Variants in TOGARAM2 observed in about 807,000 individuals in gnomAD.
TOGARAM2 encodes the protein TOG array regulator of axonemal microtubules protein 2.
A neutral mutation model predicts 93.3 loss-of-function variants in TOGARAM2; 85 were observed. That is an observed-to-expected ratio of 0.91 (90% CI 0.76 to 1.09). The LOEUF (loss-of-function observed/expected upper bound fraction) is 1.09, where lower values mean the gene tolerates loss of function less well. Ranked by LOEUF, TOGARAM2 falls within the 50% of genes least tolerant of loss-of-function variation. The pLI is 0.00. For missense variants in TOGARAM2, 1,277 were observed against 1,334.5 expected (o/e 0.96, Z 0.67); for synonymous variants, 593 against 552.8 (o/e 1.07, Z -1.02).
chr2:29,036,842 G>A (rs1363824508), intron 18 of TOGARAM2, 85 bp downstream of exon 18: 6 of 1,376,010 alleles, frequency 4.4e-6, no homozygotes, highest in Non-Finnish European at 6.0e-6. Flanking sequence ...TAAGGCCTTG[G>A]TTGGTTCCCA....
chr2:29,022,221 A>G lies in TOGARAM2; in HGVS notation c.1424A>G (p.Asp475Gly). 6.2e-7 allele frequency: 1 copy of G among 1,614,002 alleles called. No individual in the cohort carries two copies. Among genetic ancestry groups the G allele is most frequent in the Non-Finnish European group, 8.5e-7 (1 of 1,179,894 alleles). Reference sequence around the variant, plus strand: ...GAATGGGAAGAAGAGGAGGAGATGGATCTTAGAGCCTGTAAGGAGTTGAGG... The same window carrying G: ...GAATGGGAAGAAGAGGAGGAGATGGGTCTTAGAGCCTGTAAGGAGTTGAGG... Reference protein sequence around the residue: ...SPEWEEEEEMDLRACKELRPF... With the variant: ...SPEWEEEEEMGLRACKELRPF... The change falls in exon 11 of 20, where the codon GAT (aspartate) becomes GGT (glycine). Residue 475 changes from aspartate (D) to glycine (G), a missense_variant. Asp to Gly is a moderately conservative substitution (Grantham distance 94). Transcript: ENST00000379558.
intron 10 of TOGARAM2, chr2:29,018,176 C>G: frequency 1.8e-6 from 1 of 563,860 alleles, no homozygotes; most frequent in African/African-American, 1.9e-5. Context: ...GATGTCACAA[C>G]TGGAGTTGTG....
intron 19 of TOGARAM2, chr2:29,047,328 G>A (rs1373927629): frequency 6.6e-6 from 1 of 152,204 alleles, no homozygotes; most frequent in East Asian, 1.9e-4. Context: ...GTCCTTGTCT[G>A]GGTAATTTAC....
At chr2:29,022,949 T>C (rs1665057520) in intron 11 of TOGARAM2, 137 bp from the exon 12 acceptor site, 15 of 690,638 alleles carry the variant, frequency 2.2e-5, no homozygotes, top group African/African-American at 3.6e-5. Flanking sequence ...GAAACCCTGC[T>C]CTGAGGCCAT....
chr2:28,999,568 CTGGG>C, intron 4 of TOGARAM2, 100 bp downstream of exon 4: 4 of 1,329,508 alleles, frequency 3.0e-6, no homozygotes, highest in Non-Finnish European at 4.0e-6. Flanking sequence ...AGGTGGCATG[CTGGG>C]ATGCCCTGGG....
Position 29,003,599 on chromosome 2 carries a change from C to A in TOGARAM2, c.747C>A (p.Thr249=), listed in dbSNP as rs1423880954. ...PIPKARTVAA[T]PSRVPGSLPS... Reference sequence around the variant, plus strand: ...CAAAGGCCAGGACGGTTGCAGCGACCCCCTCCCGTGTGCCTGGCTCCCTTC... The same window carrying A: ...CAAAGGCCAGGACGGTTGCAGCGACACCCTCCCGTGTGCCTGGCTCCCTTC... Residue 249 remains threonine (T), a synonymous_variant, in exon 6 of 20, where the codon ACC becomes ACA. Coordinates refer to ENST00000379558, the MANE Select transcript of TOGARAM2 (RefSeq NM_199280.4). The A allele has an allele frequency of 1.9e-6, 3 of 1,594,510 alleles. No individual in the cohort carries two copies. Among genetic ancestry groups the A allele is most frequent in the Middle Eastern group, 1.7e-4 (1 of 6,022 alleles).
chr2:29,031,344 G>C (rs955057130), intron 14 of TOGARAM2, among the ~76,000 whole-genome samples: 44 of 152,186 alleles, frequency 2.9e-4, no homozygotes, highest in Admixed American at 2.8e-3. Context: ...TTATGATGTA[G>C]TTATACTATC....
In TOGARAM2 at chr2:29,022,173, C is replaced by T. The variant is rs753940304; in HGVS notation, c.1376C>T (p.Ala459Val). 7.4e-6 allele frequency: 12 copies of T among 1,613,874 alleles called. No individual in the cohort carries two copies. Among genetic ancestry groups the T allele is most frequent in the African/African-American group, 2.7e-5 (2 of 74,922 alleles). ...ARHASANSLP[A>V]VLTLGSPEWE... ...GTGAATGCAGCTAACTCATTACCTG[C>T]GGTGCTCACGTTGGGGTCTCCTGAA... The change falls in exon 11 of 20, where the codon GCG (alanine) becomes GTG (valine). Residue 459 changes from alanine to valine, a missense_variant. Transcript: ENST00000379558.
chr2:29,012,408 C>T (rs1401934518), intron 7 of TOGARAM2, among the ~76,000 whole-genome samples: 3 of 152,232 alleles, frequency 2.0e-5, no homozygotes, highest in Non-Finnish European at 1.5e-5. Context: ...TCTGCGGCAG[C>T]TGCTTCTCCC....
At chr2:29,029,542 G>A (rs1416214961) in intron 14 of TOGARAM2, among the ~76,000 whole-genome samples, 1 of 151,984 alleles carries the variant, frequency 6.6e-6, no homozygotes, top group Non-Finnish European at 1.5e-5. Flanking sequence ...AGATCACAAG[G>A]TCAGGAGATC....
intron 1 of TOGARAM2, among the ~76,000 whole-genome samples, chr2:28,990,987 GAA>G (rs1672697397): frequency 8.0e-6 from 1 of 125,664 alleles, no homozygotes; most frequent in African/African-American, 3.0e-5. Flanking sequence ...GTGTGTGTGT[GAA>G]GGGTGTGTGT....
At chr2:29,025,439 C>A (rs1339628936) in intron 13 of TOGARAM2, among the ~76,000 whole-genome samples, 1 of 151,928 alleles carries the variant, frequency 6.6e-6, no homozygotes, top group East Asian at 1.9e-4. Flanking sequence ...TCCTCACCTG[C>A]AGAATAGTGA....
At chr2:28,979,433 T>C (rs1050821183), upstream of TOGARAM2, among the ~76,000 whole-genome samples, 1 of 152,186 alleles carries the variant, frequency 6.6e-6, no homozygotes. Context: ...TTGCCTAAGA[T>C]GTCATTGCTG....
chr2:28,990,046 G>A (rs1181995561), intron 1 of TOGARAM2, among the ~76,000 whole-genome samples: 1 of 152,166 alleles, frequency 6.6e-6, no homozygotes, highest in Non-Finnish European at 1.5e-5. Context: ...GCAGGTCTAC[G>A]GCCTGGGCTG....
intron 7 of TOGARAM2, among the ~76,000 whole-genome samples, chr2:29,013,994 G>A (rs1018606471): frequency 6.6e-6 from 1 of 152,220 alleles, no homozygotes; most frequent in Non-Finnish European, 1.5e-5. Context: ...TTTCAGGCAA[G>A]CCCATGGTCA....
At chr2:28,985,604 G>A (rs1430268353) in intron 1 of TOGARAM2, among the ~76,000 whole-genome samples, 2 of 152,134 alleles carry the variant, frequency 1.3e-5, no homozygotes, top group African/African-American at 2.4e-5. Context: ...ACACAAAGGT[G>A]GGGGCAGGTT....
At chr2:29,028,779 C>T (rs1383134871) in intron 14 of TOGARAM2, among the ~76,000 whole-genome samples, 1 of 152,154 alleles carries the variant, frequency 6.6e-6, no homozygotes, top group Non-Finnish European at 1.5e-5. Context: ...AACAGGATGG[C>T]AGAGCCAACA....
At chr2:29,035,759 G>T in intron 17 of TOGARAM2, 103 bp downstream of exon 17, 1 of 1,157,060 alleles carries the variant, frequency 8.6e-7, no homozygotes. Context: ...CAGACCCCTT[G>T]CTATGCAGTT....
At chr2:29,039,587 G>A (rs1216348145) in intron 18 of TOGARAM2, among the ~76,000 whole-genome samples, 1 of 152,206 alleles carries the variant, frequency 6.6e-6, no homozygotes, top group Non-Finnish European at 1.5e-5. Flanking sequence ...GTTGAATGGA[G>A]TATTGGTTGG....
Sources: gnomAD v4.1 joint callset for allele counts (sites outside exome capture counted in the v4.1 genomes callset) on GRCh38, gnomAD v4.1.1 for gene constraint, MANE v1.5 for transcripts, NCBI Gene and HGNC (gene_info 2026-07-23, HGNC 2026-07-21) for gene names.